The following EPHA7 variants were observed in gnomAD, a reference collection of about 807,000 sequenced individuals.
The protein encoded by EPHA7 is EPH receptor A7.
EPHA7 carries 25 observed loss-of-function variants against 112.6 expected under a neutral mutation model. The ratio of observed to expected loss-of-function variants is 0.22; its 90% CI spans 0.16 to 0.31. EPHA7 has a LOEUF of 0.31. Among genes scored for constraint, EPHA7 ranks in the 10% least tolerant of loss-of-function variants. The pLI, the probability that EPHA7 is intolerant of heterozygous loss-of-function variation, is 1.00. For synonymous variants in EPHA7, 437 were observed against 406.5 expected, an observed-to-expected ratio of 1.07 and a Z score of -0.90; for missense variants, 962 against 1,212.6, an observed-to-expected ratio of 0.79 and a Z score of 3.07.
intron 5 of EPHA7, among the ~76,000 whole-genome samples, chr6:93,324,986 G>A (rs182846784): frequency 6.6e-6 from 1 of 151,286 alleles, no homozygotes; most frequent in East Asian, 1.9e-4. Flanking sequence ...CCTGAAAAAA[G>A]GCATTTTTTT....
intron 3 of EPHA7, among the ~76,000 whole-genome samples, chr6:93,408,635 G>C (rs1178238190): frequency 6.6e-6 from 1 of 152,070 alleles, no homozygotes; most frequent in African/African-American, 2.4e-5. Flanking sequence ...CATTTGTTTT[G>C]CTCAGAGTTC....
At chr6:93,257,367 C>T in intron 12 of EPHA7, 95 bp downstream of exon 12, 1 of 843,614 alleles carries the variant, frequency 1.2e-6, no homozygotes, top group Non-Finnish European at 1.9e-6. Context: ...TACTATTTTA[C>T]AAGGCTCTCA....
At chr6:93,248,356 C>CT (rs1770051905) in intron 14 of EPHA7, among the ~76,000 whole-genome samples, 1 of 151,922 alleles carries the variant, frequency 6.6e-6, no homozygotes, top group Non-Finnish European at 1.5e-5. Flanking sequence ...AAAAAGTATA[C>CT]TTTTTTCTTT....
chr6:93,353,598 C>G (rs1441336364), intron 5 of EPHA7, among the ~76,000 whole-genome samples: 4 of 152,110 alleles, frequency 2.6e-5, no homozygotes, highest in African/African-American at 9.7e-5. Flanking sequence ...CAAAGAGTTA[C>G]ATAAAAAGAG....
At chr6:93,362,639 G>T (rs996118371) in intron 3 of EPHA7, among the ~76,000 whole-genome samples, 4 of 152,062 alleles carry the variant, frequency 2.6e-5, no homozygotes, top group East Asian at 3.9e-4. Context: ...TTAAGCAATG[G>T]GATGCCAGGC....
In EPHA7 at chr6:93,240,566, G is replaced by A. The variant is rs1769647985; in HGVS notation, c.*2860C>T. 9.1e-6 allele frequency: 2 copies of A among 219,540 alleles called. No individual in the cohort carries two copies. The highest frequency in any genetic ancestry group is 4.5e-5 in the African/African-American group (2 of 44,608). The allele number at this position is 219,540 out of a possible 1,614,324, so 13.6% of individuals were successfully genotyped here. ...TGAGAAAATGTTAGATTCAAATGTA[G>A]AACAAGTTACTTTTATTTCAGTACT... On this transcript the variant is annotated 3_prime_UTR_variant, in exon 17 of 17. Coordinates refer to ENST00000369303, the MANE Select transcript of EPHA7 (RefSeq NM_004440.4).
chr6:93,355,187 C>T (rs1273800068), intron 5 of EPHA7, among the ~76,000 whole-genome samples: 1 of 152,122 alleles, frequency 6.6e-6, no homozygotes, highest in Non-Finnish European at 1.5e-5. Flanking sequence ...AGCTAAATCA[C>T]TTATTTTTTG....
rs1348945329 is a variant in EPHA7, at chr6:93,254,723, A to G, written c.2456T>C (p.Val819Ala). The G allele has an allele frequency of 6.2e-7, 1 of 1,613,712 alleles. No individual in the cohort carries two copies. ...QYRKFTSASD[V>A]WSYGIVMWEV... The stretch of plus-strand genomic sequence containing the variant: ...CCACATGACTATTCCATAGCTCCAT[A>G]CATCACTGGCTGATGTGAATTTCCG... Residue 819 changes from valine (V) to alanine (A), a missense_variant, in exon 14 of 17, where the codon GTA becomes GCA. Val to Ala is a moderately conservative substitution (Grantham distance 64, BLOSUM62 0). Transcript: ENST00000369303.
intron 10 of EPHA7, 128 bp from the exon 11 acceptor site, chr6:93,258,412 CA>C (rs1582401857): frequency 9.9e-7 from 1 of 1,011,618 alleles, no homozygotes; most frequent in Non-Finnish European, 1.4e-6. Context: ...AAAATATTTT[CA>C]AAAATACTTG....
At chr6:93,269,354 CAT>C (rs1236557179) in intron 7 of EPHA7, 121 bp downstream of exon 7, 2 of 693,564 alleles carry the variant, frequency 2.9e-6, no homozygotes, top group Admixed American at 7.1e-5. Context: ...TTTATATGTA[CAT>C]ATATATTTAT....
At chr6:93,389,579 G>A (rs1279872728) in intron 3 of EPHA7, among the ~76,000 whole-genome samples, 1 of 151,942 alleles carries the variant, frequency 6.6e-6, no homozygotes, top group African/African-American at 2.4e-5. Context: ...TACAAAAGAT[G>A]CATAAAAGTA....
chr6:93,386,355 T>C (rs1458586225), intron 3 of EPHA7, among the ~76,000 whole-genome samples: 2 of 152,174 alleles, frequency 1.3e-5, no homozygotes, highest in Non-Finnish European at 2.9e-5. Flanking sequence ...ATGAAGAAGC[T>C]ACAAGCCCCA....
intron 1 of EPHA7, among the ~76,000 whole-genome samples, chr6:93,416,279 A>G (rs1380568331): frequency 1.3e-5 from 2 of 152,222 alleles, no homozygotes; most frequent in East Asian, 1.9e-4. Context: ...GCACAGGGAA[A>G]CAAGGTGGGT....
chr6:93,250,191 G>A (rs747685956), intron 14 of EPHA7, among the ~76,000 whole-genome samples: 2 of 151,964 alleles, frequency 1.3e-5, no homozygotes, highest in Admixed American at 6.6e-5. Flanking sequence ...GGAACTCTTC[G>A]ACCTTATAGA....
intron 3 of EPHA7, among the ~76,000 whole-genome samples, chr6:93,369,801 A>G (rs1165506323): frequency 6.6e-6 from 1 of 152,214 alleles, no homozygotes; most frequent in East Asian, 1.9e-4. Context: ...TGGACGAATG[A>G]AGGAATCTTA....
At chr6:93,354,793 T>C (rs1348078377) in intron 5 of EPHA7, among the ~76,000 whole-genome samples, 1 of 152,014 alleles carries the variant, frequency 6.6e-6, no homozygotes, top group African/African-American at 2.4e-5. Flanking sequence ...ACTTGAGAAA[T>C]CAAACAATAG....
intron 3 of EPHA7, among the ~76,000 whole-genome samples, chr6:93,405,783 A>ATGTGTGTG (rs371052750): frequency 2.1e-5 from 2 of 95,290 alleles, no homozygotes; most frequent in Admixed American, 1.3e-4. Flanking sequence ...TTCTGTATAT[A>ATGTGTGTG]TGTGTGTGTG....
chr6:93,352,831 A>T (rs1443517094), intron 5 of EPHA7, among the ~76,000 whole-genome samples: 2 of 152,136 alleles, frequency 1.3e-5, no homozygotes, highest in Admixed American at 1.3e-4. Flanking sequence ...AAACTAACAC[A>T]GGAAGAGAAA....
intron 5 of EPHA7, among the ~76,000 whole-genome samples, chr6:93,344,858 C>T (rs1341586384): frequency 6.6e-6 from 1 of 151,488 alleles, no homozygotes; most frequent in African/African-American, 2.4e-5. Context: ...TTCTTCCATC[C>T]TAACTATTTG....
Sources: gnomAD v4.1 joint callset for allele counts (sites outside exome capture counted in the v4.1 genomes callset) on GRCh38, gnomAD v4.1.1 for gene constraint, MANE v1.5 for transcripts, NCBI Gene and HGNC (gene_info 2026-07-23, HGNC 2026-07-21) for gene names.